GAS7: variants seen among roughly 807,000 people sequenced by gnomAD.
The protein encoded by GAS7 is growth arrest specific 7, also known as growth arrest-specific protein 7.
GAS7 carries 28 observed loss-of-function variants against 71.1 expected under a neutral mutation model. That is an observed-to-expected ratio of 0.39 (90% CI 0.29 to 0.54). The LOEUF is 0.54. GAS7 is among the 20% of genes least tolerant of loss of function. The pLI is 0.62. For synonymous variants in GAS7, 258 were observed against 245.8 expected, an observed-to-expected ratio of 1.05 and a Z score of -0.46; for missense variants, 436 against 627.8, an observed-to-expected ratio of 0.69 and a Z score of 3.27.
intron 1 of GAS7, among the ~76,000 whole-genome samples, chr17:10,127,786 G>A (rs1318576223): frequency 6.6e-6 from 1 of 152,182 alleles, no homozygotes; most frequent in African/African-American, 2.4e-5. Flanking sequence ...AGTGGACTAG[G>A]AGAGGAATCT....
intron 1 of GAS7, among the ~76,000 whole-genome samples, chr17:10,143,780 T>C (rs540480314): frequency 2.6e-5 from 4 of 152,282 alleles, no homozygotes; most frequent in South Asian, 2.1e-4. Context: ...TCTCTAGAAT[T>C]GCAAGAAAAC....
intron 2 of GAS7, among the ~76,000 whole-genome samples, chr17:10,001,903 G>A (rs1158156574): frequency 1.3e-5 from 2 of 152,076 alleles, no homozygotes; most frequent in Admixed American, 6.5e-5. Context: ...CACATTCACC[G>A]ATGGCCTGGC....
At chr17:10,160,325 A>T (rs1024656544) in intron 1 of GAS7, among the ~76,000 whole-genome samples, 1 of 152,192 alleles carries the variant, frequency 6.6e-6, no homozygotes, top group Non-Finnish European at 1.5e-5. Flanking sequence ...GGGTATTTTT[A>T]ATTGTTTCTC....
chr17:10,024,447 G>A (rs2072389313), intron 1 of GAS7, among the ~76,000 whole-genome samples: 3 of 152,202 alleles, frequency 2.0e-5, no homozygotes, highest in Non-Finnish European at 2.9e-5. Flanking sequence ...GAACTGTACT[G>A]GAAGCAGAGG....
intron 1 of GAS7, among the ~76,000 whole-genome samples, chr17:10,029,629 G>T (rs939599068): frequency 1.3e-5 from 2 of 152,056 alleles, no homozygotes; most frequent in Non-Finnish European, 2.9e-5. Context: ...CAAGGTAGGG[G>T]GATCACTTGA....
intron 2 of GAS7, among the ~76,000 whole-genome samples, chr17:9,987,983 C>T (rs1348816838): frequency 1.3e-5 from 2 of 152,202 alleles, no homozygotes; most frequent in African/African-American, 4.8e-5. Flanking sequence ...TTGGCTTGTG[C>T]CGGCTCTCTG....
At chr17:10,117,835 T>G (rs1490318944) in intron 1 of GAS7, among the ~76,000 whole-genome samples, 1 of 152,180 alleles carries the variant, frequency 6.6e-6, no homozygotes, top group Non-Finnish European at 1.5e-5. Flanking sequence ...GAAGTGATCC[T>G]GTGTTTAAAG....
rs2109024 is a variant in GAS7, at chr17:9,912,043, G to T, written c.*5185C>A. 121 of 231,822 alleles carry T rather than the reference G, an allele frequency of 5.2e-4. 2 individuals carry two copies. The East Asian group carries it at 7.4e-3, about 14-fold the overall frequency. The allele number at this position is 231,822 out of a possible 1,614,324, so 14.4% of individuals were successfully genotyped here. On this transcript the variant is annotated 3_prime_UTR_variant, in exon 14 of 14. Coordinates refer to ENST00000432992, the MANE Select transcript of GAS7 (RefSeq NM_201433.2). ...GCTGCGACAAGGACTCCATCTTCACGCCTGTCCTGGCTCCTGGGGAGTAGA... is the reference window on the plus strand; with the variant it reads ...GCTGCGACAAGGACTCCATCTTCACTCCTGTCCTGGCTCCTGGGGAGTAGA...
chr17:9,938,470 CAAAA>C (rs34813185), intron 8 of GAS7, among the ~76,000 whole-genome samples: 2 of 65,174 alleles, frequency 3.1e-5, no homozygotes, highest in African/African-American at 1.2e-4. Context: ...GACTCTGTCT[CAAAA>C]AAAAAAAAAA....
At chr17:10,178,369 C>T (rs1597837493) in intron 1 of GAS7, among the ~76,000 whole-genome samples, 1 of 152,070 alleles carries the variant, frequency 6.6e-6, no homozygotes, top group African/African-American at 2.4e-5. Context: ...CACCCCCACA[C>T]TCTCTGAATG....
chr17:9,951,715 C>T (rs934701575), intron 5 of GAS7, among the ~76,000 whole-genome samples: 6 of 137,024 alleles, frequency 4.4e-5, no homozygotes, highest in Admixed American at 4.2e-4. Context: ...CAAGATTGCG[C>T]CATTGCATCA....
At chr17:9,918,129 T>C (rs1328680764) in intron 12 of GAS7, 30 bp from the exon 13 acceptor site, 1 of 1,531,618 alleles carries the variant, frequency 6.5e-7, no homozygotes, top group Non-Finnish European at 9.0e-7. Flanking sequence ...CAGAGAACTC[T>C]GAGCACGTCC....
chr17:10,130,798 T>C (rs564717069), intron 1 of GAS7, among the ~76,000 whole-genome samples: 5 of 152,266 alleles, frequency 3.3e-5, no homozygotes, highest in South Asian at 2.1e-4. Flanking sequence ...ATCCCCAGAA[T>C]AGGCAAATCT....
intron 3 of GAS7, among the ~76,000 whole-genome samples, chr17:9,975,129 C>T (rs954848988): frequency 2.6e-5 from 4 of 152,132 alleles, no homozygotes; most frequent in Non-Finnish European, 4.4e-5. Flanking sequence ...CTGAGGAGGG[C>T]GGATCACTTG....
intron 2 of GAS7, among the ~76,000 whole-genome samples, chr17:10,012,745 G>A (rs986429746): frequency 2.6e-5 from 4 of 152,090 alleles, no homozygotes; most frequent in Non-Finnish European, 5.9e-5. Flanking sequence ...AGTATGAAGC[G>A]GCGGCACTTT....
At position 9,916,402 on chromosome 17, in the gene GAS7, G is replaced by A. The variant is rs1881460683; in HGVS notation, c.*826C>T. 1 of 233,200 alleles carries A rather than the reference G, an allele frequency of 4.3e-6. No homozygotes were observed. Among genetic ancestry groups the A allele is most frequent in the Non-Finnish European group, 8.5e-6 (1 of 117,912 alleles). 14.4% of individuals were successfully genotyped at this position (233,200 alleles called of 1,614,324 possible). A position where few individuals can be genotyped will look rare whatever the true frequency, so the allele number is the denominator to read the frequency against. On this transcript the variant is annotated 3_prime_UTR_variant, in exon 14 of 14. Coordinates refer to ENST00000432992, the MANE Select transcript of GAS7 (RefSeq NM_201433.2). ...CTTTGGACGAGCTGGATGAGGTCTT[G>A]ATAACTGAGAACTTTGGAAAGCTTC... is the stretch of plus-strand genomic sequence containing the variant.
chr17:10,145,472 A>C (rs1316386913), intron 1 of GAS7, among the ~76,000 whole-genome samples: 1 of 152,226 alleles, frequency 6.6e-6, no homozygotes, highest in Non-Finnish European at 1.5e-5. Flanking sequence ...GAGGCAGTAG[A>C]GGCTTGGATG....
At chr17:9,924,390 C>A (rs2067922125) in intron 11 of GAS7, among the ~76,000 whole-genome samples, 1 of 152,090 alleles carries the variant, frequency 6.6e-6, no homozygotes, top group Non-Finnish European at 1.5e-5. Context: ...CCAGGCTGGT[C>A]TCGAACTCCT....
intron 2 of GAS7, among the ~76,000 whole-genome samples, chr17:10,005,148 TGCATGCATGTGTGTGCGCAC>T (rs2071442863): frequency 2.8e-5 from 2 of 72,710 alleles, no homozygotes; most frequent in Non-Finnish European, 8.3e-5. Flanking sequence ...CGCGCACGCA[TGCATGCATGTGTGTGCGCAC>T]GCATGCATGT....
Sources: gnomAD v4.1 joint callset for allele counts (sites outside exome capture counted in the v4.1 genomes callset) on GRCh38, gnomAD v4.1.1 for gene constraint, MANE v1.5 for transcripts, NCBI Gene and HGNC (gene_info 2026-07-23, HGNC 2026-07-21) for gene names.